Variants in SH3BGR observed in about 807,000 individuals in gnomAD.
The protein encoded by SH3BGR is SH3 domain binding glutamate rich protein, also known as SH3 domain-binding glutamic acid-rich protein.
In SH3BGR, 29 loss-of-function variants were observed where a neutral mutation model predicts 24.5. The ratio of observed to expected loss-of-function variants is 1.18; its 90% CI spans 0.88 to 1.61. SH3BGR has a LOEUF of 1.61. Among genes scored for constraint, SH3BGR ranks in the 40% most tolerant of loss-of-function variants. The pLI, the probability that SH3BGR is intolerant of heterozygous loss-of-function variation, is 0.00. For missense variants in SH3BGR, 162 were observed against 205.8 expected (o/e 0.79, Z 1.30); for synonymous variants, 55 against 65.7 (o/e 0.84, Z 0.79).
chr21:39,499,091 T>C (rs1250647144), intron 3 of SH3BGR, among the ~76,000 whole-genome samples: 1 of 152,166 alleles, frequency 6.6e-6, no homozygotes, highest in Non-Finnish European at 1.5e-5. Flanking sequence ...CTCACCATCA[T>C]GAGGACAGCA....
intron 3 of SH3BGR, among the ~76,000 whole-genome samples, chr21:39,482,340 T>A (rs998895799): frequency 1.3e-5 from 2 of 152,206 alleles, no homozygotes; most frequent in Non-Finnish European, 2.9e-5. Context: ...TAAAATAGAC[T>A]GAGGAAATAT....
At chr21:39,488,732 C>T (rs986251954) in intron 3 of SH3BGR, 32 of 453,538 alleles carry the variant, frequency 7.1e-5, no homozygotes, top group African/African-American at 3.4e-4. Flanking sequence ...GAGATGCTGG[C>T]GGCCGGGCAT....
chr21:39,484,847 AGAC>A (rs1199446444), intron 3 of SH3BGR, among the ~76,000 whole-genome samples: 5 of 152,370 alleles, frequency 3.3e-5, no homozygotes, highest in Admixed American at 3.3e-4. Flanking sequence ...TCCTTTGAAA[AGAC>A]GACATCTGAT....
intron 3 of SH3BGR, among the ~76,000 whole-genome samples, chr21:39,494,617 T>C (rs990167277): frequency 6.6e-6 from 1 of 152,088 alleles, no homozygotes; most frequent in African/African-American, 2.4e-5. Flanking sequence ...GATTTTTCTC[T>C]GGGTGCTTTT....
chr21:39,481,194 G>A (rs2078124699), intron 3 of SH3BGR, among the ~76,000 whole-genome samples: 1 of 152,192 alleles, frequency 6.6e-6, no homozygotes, highest in Admixed American at 6.5e-5. Flanking sequence ...GCCAGGCATT[G>A]TGGTTCGTGC....
At position 39,505,318 on chromosome 21, in the gene SH3BGR, G is replaced by A. The variant is rs540746865; in HGVS notation, c.406-3680G>A. Among the ~76,000 whole-genome samples the A allele has an allele frequency of 5.9e-5, 9 of 152,314 alleles. No individual in the cohort carries two copies. The South Asian group carries it at 1.9e-3, about 32-fold the overall frequency. On this transcript the variant is annotated intron_variant, in intron 4 of 6. Transcript: ENST00000333634. ...CAGAGCTTATGTTCTGGGGAAGCTT[G>A]TGGTGGTAATACCCAAAGTTCTTCC...
At position 39,515,304 on chromosome 21, in the gene SH3BGR, T is replaced by C. The variant is rs1223857157; in HGVS notation, c.*251T>C. ...GCCTGACAGTCTTGGCTTTTGAAGATTTTTTTTTCTTTTTTGCTCTGCATA... is the reference window on the plus strand; with the variant it reads ...GCCTGACAGTCTTGGCTTTTGAAGACTTTTTTTTCTTTTTTGCTCTGCATA... On this transcript the variant is annotated 3_prime_UTR_variant, in exon 7 of 7. Coordinates refer to ENST00000333634, the MANE Select transcript of SH3BGR (RefSeq NM_007341.3). 2 of 208,770 alleles carry C rather than the reference T, an allele frequency of 9.6e-6. No individual in the cohort carries two copies. Among genetic ancestry groups the C allele is most frequent in the Non-Finnish European group, 1.9e-5 (2 of 105,126 alleles). 12.9% of individuals were successfully genotyped at this position (208,770 alleles called of 1,614,324 possible). A position where few individuals can be genotyped will look rare whatever the true frequency, so the allele number is the denominator to read the frequency against.
At position 39,511,660 on chromosome 21, in the gene SH3BGR, G is replaced by A. The variant is rs779416805; in HGVS notation, c.436-20G>A. ...GGCCCTTATGCTTCTTAATACTAAT[G>A]TAAGTTTTGTTAAAATAAGACGGAA... On this transcript the variant is annotated intron_variant, in intron 5 of 6. Transcript: ENST00000333634. The surrounding 1 kb of genome is among the most constrained non-coding windows in gnomAD (Gnocchi z 4.2). 5 of 1,607,344 alleles carry A rather than the reference G, an allele frequency of 3.1e-6. No individual in the cohort carries two copies. Among genetic ancestry groups the A allele is most frequent in the African/African-American group, 1.3e-5 (1 of 74,388 alleles).
chr21:39,514,347 CTATTAT>C (rs1198234839), intron 6 of SH3BGR, among the ~76,000 whole-genome samples: 4 of 151,840 alleles, frequency 2.6e-5, no homozygotes, highest in African/African-American at 4.8e-5. Flanking sequence ...GAGTCAGAAT[CTATTAT>C]TATTATTATT....
chr21:39,479,313 A>G (rs1351593975), intron 3 of SH3BGR, among the ~76,000 whole-genome samples: 3 of 135,756 alleles, frequency 2.2e-5, no homozygotes, highest in Non-Finnish European at 3.1e-5. Flanking sequence ...CATGGTGGTG[A>G]TGGTGGTGGT....
Position 39,462,445 on chromosome 21 carries a change from T to G in SH3BGR, c.116T>G (p.Ile39Ser). ...AAAATCGACTTTAAGGAATTAGATA[T>G]TGCTGGAGATGAAGACAACAGGAGG... ...ANKIDFKELDIAGDEDNRRWM... is the reference protein window; with the variant it reads ...ANKIDFKELDSAGDEDNRRWM... Residue 39 changes from isoleucine (I) to serine (S), a missense_variant, in exon 2 of 7, where the codon ATT becomes AGT. By Grantham distance (142) the Ile-to-Ser change is moderately radical. Transcript: ENST00000333634. 6.2e-7 allele frequency: 1 copy of G among 1,609,694 alleles called. No individual in the cohort carries two copies. Among genetic ancestry groups the G allele is most frequent in the Non-Finnish European group, 8.5e-7 (1 of 1,179,040 alleles).
At chr21:39,513,463 A>G (rs1602190622) in intron 6 of SH3BGR, among the ~76,000 whole-genome samples, 2 of 152,182 alleles carry the variant, frequency 1.3e-5, no homozygotes, top group Non-Finnish European at 2.9e-5. Flanking sequence ...CACTTAATCT[A>G]TTTTTAGAGC....
chr21:39,507,035 C>T (rs947016116), intron 4 of SH3BGR, among the ~76,000 whole-genome samples: 2 of 152,222 alleles, frequency 1.3e-5, no homozygotes, highest in African/African-American at 4.8e-5. Context: ...CAACACGTCG[C>T]TGTGAAAGCA....
At chr21:39,499,099 G>A (rs557441662) in intron 3 of SH3BGR, among the ~76,000 whole-genome samples, 1 of 152,300 alleles carries the variant, frequency 6.6e-6, no homozygotes, top group South Asian at 2.1e-4. Context: ...CATGAGGACA[G>A]CATGGAGGAA....
chr21:39,456,601 G>A (rs1336523528), intron 1 of SH3BGR, among the ~76,000 whole-genome samples: 1 of 150,492 alleles, frequency 6.6e-6, no homozygotes, highest in African/African-American at 2.5e-5. Flanking sequence ...CGGGGTAGCA[G>A]ATTCCATGCG....
chr21:39,471,016 T>C (rs1332893503), intron 2 of SH3BGR, among the ~76,000 whole-genome samples: 1 of 152,224 alleles, frequency 6.6e-6, no homozygotes, highest in Non-Finnish European at 1.5e-5. Context: ...TAAGTTGCTA[T>C]TGAGAAGTCA....
intron 1 of SH3BGR, chr21:39,446,242 A>G (rs1346205888): frequency 6.6e-6 from 1 of 151,912 alleles, no homozygotes; most frequent in African/African-American, 2.4e-5. Flanking sequence ...TTAGAAATGT[A>G]CAGGCAAGTC....
At chr21:39,499,248 T>TATC (rs1314005309) in intron 3 of SH3BGR, among the ~76,000 whole-genome samples, 13 of 148,038 alleles carry the variant, frequency 8.8e-5, no homozygotes, top group Non-Finnish European at 1.5e-4. Context: ...TCCATCCACC[T>TATC]ATCTATCATC....
rs2077767836 is a variant in SH3BGR at position 39,462,300 on chromosome 21, G to A, written c.46-75G>A. 4.8e-6 allele frequency: 5 copies of A among 1,051,892 alleles called. No individual in the cohort carries two copies. The South Asian group carries it at 5.8e-5, about 12-fold the overall frequency. The allele number at this position is 1,051,892 out of a possible 1,614,324, so 65.2% of individuals were successfully genotyped here. A position where few individuals can be genotyped will look rare whatever the true frequency, so the allele number is the denominator to read the frequency against. On this transcript the variant is annotated intron_variant, in intron 1 of 6. Coordinates refer to ENST00000333634, the MANE Select transcript of SH3BGR (RefSeq NM_007341.3). ...ATTTGTGTTGTATAGTATAACTAGA[G>A]GAAGGATTTAATTTTTGTAAATGTA...
Sources: allele counts gnomAD v4.1 joint callset (sites outside exome capture counted in the v4.1 genomes callset), GRCh38; gene constraint gnomAD v4.1.1; non-coding constraint Gnocchi (gnomAD v3.1); transcripts MANE v1.5; gene names NCBI Gene and HGNC (gene_info 2026-07-23, HGNC 2026-07-21).